The following ADRA1B variants were observed in gnomAD, a reference collection of about 807,000 sequenced individuals.
The protein encoded by ADRA1B is alpha-1B adrenergic receptor.
In ADRA1B, 17 loss-of-function variants were observed where a neutral mutation model predicts 17.9. The ratio of observed to expected loss-of-function variants is 0.95; its 90% CI spans 0.65 to 1.42. ADRA1B has a LOEUF of 1.42. Among genes scored for constraint, ADRA1B ranks in the 40% most tolerant of loss-of-function variants. The pLI is 0.00. For missense variants in ADRA1B, 681 were observed against 722.1 expected (o/e 0.94, Z 0.65); for synonymous variants, 366 against 327.6 (o/e 1.12, Z -1.27).
chr5:159,905,779 C>A (rs1388307071), intron 1 of ADRA1B, among the ~76,000 whole-genome samples: 1 of 152,078 alleles, frequency 6.6e-6, no homozygotes, highest in East Asian at 1.9e-4. Flanking sequence ...GACAGTCTTC[C>A]CTGAGGAAAT....
intron 1 of ADRA1B, among the ~76,000 whole-genome samples, chr5:159,928,782 C>A (rs112950363): frequency 2.6e-5 from 4 of 152,182 alleles, no homozygotes; most frequent in African/African-American, 9.7e-5. Context: ...CACTGTCATT[C>A]GCAGGCGTCA....
At chr5:159,931,809 C>T (rs1229996679) in intron 1 of ADRA1B, among the ~76,000 whole-genome samples, 1 of 152,194 alleles carries the variant, frequency 6.6e-6, no homozygotes, top group African/African-American at 2.4e-5. Flanking sequence ...AACAGGCTCT[C>T]GAATGCCTCT....
At chr5:159,950,754 G>T in intron 1 of ADRA1B, 1 of 632,250 alleles carries the variant, frequency 1.6e-6, no homozygotes, top group East Asian at 2.9e-5. Flanking sequence ...CAGGTTTTTC[G>T]AGACGGCAGG....
At chr5:159,899,263 A>AAGGAAGGAAGGAAGGAAGG (rs1754070513) in intron 1 of ADRA1B, among the ~76,000 whole-genome samples, 1 of 106,412 alleles carries the variant, frequency 9.4e-6, no homozygotes, top group Non-Finnish European at 1.9e-5. Context: ...AGGAAGGAAG[A>AAGGAAGGAAGGAAGGAAGG]AAGGAAGGAA....
At chr5:159,905,662 A>G (rs1754154977) in intron 1 of ADRA1B, among the ~76,000 whole-genome samples, 1 of 152,204 alleles carries the variant, frequency 6.6e-6, no homozygotes. Flanking sequence ...AGTCATATGC[A>G]GAAGTATGTA....
chr5:159,878,261 C>T (rs113402690), intron 1 of ADRA1B, among the ~76,000 whole-genome samples: 1 of 152,318 alleles, frequency 6.6e-6, no homozygotes, highest in African/African-American at 2.4e-5. Flanking sequence ...CAAGGACTAA[C>T]AGGAAAGCAC....
chr5:159,896,500 T>C (rs993916522), intron 1 of ADRA1B, among the ~76,000 whole-genome samples: 2 of 152,236 alleles, frequency 1.3e-5, no homozygotes, highest in Admixed American at 1.3e-4. Flanking sequence ...AATTCTCATG[T>C]TCCTTCTGAG....
intron 1 of ADRA1B, among the ~76,000 whole-genome samples, chr5:159,961,269 G>C (rs934568104): frequency 6.6e-6 from 1 of 152,144 alleles, no homozygotes; most frequent in Non-Finnish European, 1.5e-5. Context: ...ATAGTAGCAG[G>C]GCTGTTGGAG....
At chr5:159,935,602 C>T (rs1024237739) in intron 1 of ADRA1B, among the ~76,000 whole-genome samples, 1 of 151,992 alleles carries the variant, frequency 6.6e-6, no homozygotes, top group Non-Finnish European at 1.5e-5. Flanking sequence ...GCTGGAGAAC[C>T]GTGGCGCAAT....
At chr5:159,889,879 A>G (rs1430652323) in intron 1 of ADRA1B, among the ~76,000 whole-genome samples, 2 of 152,236 alleles carry the variant, frequency 1.3e-5, no homozygotes, top group African/African-American at 2.4e-5. Context: ...TCCTTGTTTT[A>G]TAACCAGAGA....
intron 1 of ADRA1B, among the ~76,000 whole-genome samples, chr5:159,940,723 C>T (rs1409166773): frequency 6.6e-6 from 1 of 152,282 alleles, no homozygotes; most frequent in South Asian, 2.1e-4. Context: ...CACACACTTA[C>T]ACATACACAC....
chr5:159,925,488 G>A (rs997054103), intron 1 of ADRA1B, among the ~76,000 whole-genome samples: 2 of 152,132 alleles, frequency 1.3e-5, no homozygotes, highest in Non-Finnish European at 2.9e-5. Flanking sequence ...ATACATTTCA[G>A]ACCCGGATTC....
In ADRA1B at chr5:159,890,948, C is replaced by T. The variant is rs546449300; in HGVS notation, c.-255-25171C>T. On this transcript the variant is annotated intron_variant, in intron 1 of 2. Coordinates refer to the ADRA1B transcript ENST00000641205. ...CTGCCACAGTCACCTTCAATAATTC[C>T]CAGGTTTAAAAGACTTCCTTGGACT... Among the ~76,000 whole-genome samples the T allele has an allele frequency of 2.0e-5, 3 of 152,236 alleles. No homozygotes were observed. In the South Asian group the frequency reaches 6.2e-4, roughly 32 times the overall value.
intron 1 of ADRA1B, among the ~76,000 whole-genome samples, chr5:159,931,503 C>G (rs556244784): frequency 6.6e-6 from 1 of 151,712 alleles, no homozygotes; most frequent in African/African-American, 2.4e-5. Context: ...ATTTTTTATT[C>G]GTTTCAAAAT....
intron 1 of ADRA1B, among the ~76,000 whole-genome samples, chr5:159,926,861 T>A (rs1006935421): frequency 3.3e-5 from 5 of 152,130 alleles, no homozygotes; most frequent in African/African-American, 4.8e-5. Flanking sequence ...CACTTCAGCC[T>A]GGCAGACAGA....
chr5:159,866,295 G>GAA lies in ADRA1B; in HGVS notation c.-256+1106_-256+1107dup, dbSNP rs34220518. On this transcript the variant is annotated intron_variant, in intron 1 of 2. Coordinates refer to the ADRA1B transcript ENST00000641205. ...CACTTCAGCCTGGGCAACATAGTGA[G>GAA]AAAAAAAAAAAAAAAAAAGATGCAC... Among the ~76,000 whole-genome samples, 272 of 90,198 alleles carry GAA rather than the reference G, an allele frequency of 3.0e-3. 2 individuals carry two copies. Among genetic ancestry groups the GAA allele is most frequent in the Admixed American group, 7.5e-3 (60 of 8,026 alleles). The allele number at this position is 90,198 out of a possible 152,430, so 59.2% of individuals were successfully genotyped here. A position where few individuals can be genotyped will look rare whatever the true frequency, so the allele number is the denominator to read the frequency against.
Position 159,926,704 on chromosome 5 carries a change from T to C in ADRA1B, c.949+8850T>C, listed in dbSNP as rs190965772. ...GAGTTCGAGACCAGGCTGGCCAACA[T>C]GGTGAAACCCTGTCACTACTAAAAA... is the stretch of plus-strand genomic sequence containing the variant. On this transcript the variant is annotated intron_variant, in intron 1 of 1. Coordinates refer to ENST00000306675, the MANE Select transcript of ADRA1B (RefSeq NM_000679.4). 1.3e-4 allele frequency among the ~76,000 whole-genome samples: 20 copies of C among 152,064 alleles called. No homozygotes were observed. In the East Asian group the frequency reaches 3.9e-3, roughly 30 times the overall value.
In ADRA1B at chr5:159,948,975, G is replaced by A. The variant is rs528807720; in HGVS notation, c.950-22904G>A. 2.0e-5 allele frequency among the ~76,000 whole-genome samples: 3 copies of A among 152,270 alleles called. No individual in the cohort carries two copies. In the South Asian group the frequency reaches 6.2e-4, roughly 32 times the overall value. ...ATAGATGAGGGAACTGAGTCCTAGA[G>A]AGAGGTTAAGTAACTTACCCACAGT... is the stretch of plus-strand genomic sequence containing the variant. On this transcript the variant is annotated intron_variant, in intron 1 of 1. Coordinates refer to ENST00000306675, the MANE Select transcript of ADRA1B (RefSeq NM_000679.4).
At chr5:159,926,354 T>A (rs2113183964) in intron 1 of ADRA1B, among the ~76,000 whole-genome samples, 1 of 152,302 alleles carries the variant, frequency 6.6e-6, no homozygotes, top group Non-Finnish European at 1.5e-5. Flanking sequence ...CTTGTCATGT[T>A]TCTCTCTGGG....
Sources: gnomAD v4.1 joint callset for allele counts (sites outside exome capture counted in the v4.1 genomes callset) on GRCh38, gnomAD v4.1.1 for gene constraint, MANE v1.5 for transcripts, NCBI Gene and HGNC (gene_info 2026-07-23, HGNC 2026-07-21) for gene names.